LRRTM4: variants seen among roughly 807,000 people sequenced by gnomAD.
The protein encoded by LRRTM4 is leucine-rich repeat transmembrane neuronal protein 4.
LRRTM4 carries 25 observed loss-of-function variants against 47.6 expected under a neutral mutation model. The ratio of observed to expected loss-of-function variants is 0.53; its 90% CI spans 0.38 to 0.73. The LOEUF (loss-of-function observed/expected upper bound fraction) is 0.73. LRRTM4 is among the 30% of genes least tolerant of loss of function. The pLI, the probability that LRRTM4 is intolerant of heterozygous loss-of-function variation, is 0.00. For missense variants in LRRTM4, 638 were observed against 713.4 expected (o/e 0.89, Z 1.20); for synonymous variants, 311 against 269.5 (o/e 1.15, Z -1.51).
At chr2:76,793,476 TTAAGA>T (rs975527134) in intron 3 of LRRTM4, among the ~76,000 whole-genome samples, 5 of 152,158 alleles carry the variant, frequency 3.3e-5, no homozygotes, top group Non-Finnish European at 5.9e-5. Context: ...TCTATCTACT[TTAAGA>T]TAAGTAGGAT....
At chr2:77,107,313 A>G (rs1253854564) in intron 3 of LRRTM4, among the ~76,000 whole-genome samples, 1 of 152,188 alleles carries the variant, frequency 6.6e-6, no homozygotes, top group Non-Finnish European at 1.5e-5. Flanking sequence ...TATTGCAAAA[A>G]ATATGCTTGA....
intron 3 of LRRTM4, among the ~76,000 whole-genome samples, chr2:77,233,323 A>C (rs1237031100): frequency 2.6e-5 from 4 of 152,172 alleles, no homozygotes; most frequent in East Asian, 1.9e-4. Flanking sequence ...TGCTTCTTGA[A>C]ACTGTGAAGA....
At chr2:76,832,196 T>C (rs1342847088) in intron 3 of LRRTM4, among the ~76,000 whole-genome samples, 1 of 152,096 alleles carries the variant, frequency 6.6e-6, no homozygotes, top group Non-Finnish European at 1.5e-5. Context: ...GTTTAGCATG[T>C]CTGAGTTTCC....
At chr2:76,897,561 G>A (rs548296490) in intron 3 of LRRTM4, among the ~76,000 whole-genome samples, 2 of 152,264 alleles carry the variant, frequency 1.3e-5, no homozygotes, top group South Asian at 4.1e-4. Flanking sequence ...AAGGAAAAGA[G>A]AAAAGGAGTA....
chr2:77,446,429 A>G (rs903410472), intron 3 of LRRTM4, among the ~76,000 whole-genome samples: 2 of 152,002 alleles, frequency 1.3e-5, no homozygotes, highest in Admixed American at 6.6e-5. Context: ...ATTTACATTG[A>G]TCTTCAAAGA....
At chr2:77,288,760 C>G (rs970630602) in intron 3 of LRRTM4, among the ~76,000 whole-genome samples, 2 of 151,994 alleles carry the variant, frequency 1.3e-5, no homozygotes, top group Non-Finnish European at 2.9e-5. Context: ...ATGATATGTT[C>G]AAACTCATCC....
chr2:77,251,483 C>G (rs946274773), intron 3 of LRRTM4, among the ~76,000 whole-genome samples: 5 of 151,830 alleles, frequency 3.3e-5, no homozygotes, highest in Non-Finnish European at 7.4e-5. Flanking sequence ...GAATTCACCC[C>G]AGGGAGAATA....
intron 3 of LRRTM4, among the ~76,000 whole-genome samples, chr2:76,907,101 C>T (rs887648375): frequency 6.6e-6 from 1 of 151,724 alleles, no homozygotes; most frequent in Non-Finnish European, 1.5e-5. Flanking sequence ...AAGTAAAGCT[C>T]TCCTCAGCAA....
chr2:77,154,534 A>G (rs1672508750), intron 3 of LRRTM4, among the ~76,000 whole-genome samples: 1 of 152,170 alleles, frequency 6.6e-6, no homozygotes, highest in South Asian at 2.1e-4. Flanking sequence ...AAGTATACAT[A>G]TTAGTAAAGT....
chr2:76,878,015 T>C (rs1415099976), intron 3 of LRRTM4, among the ~76,000 whole-genome samples: 2 of 152,192 alleles, frequency 1.3e-5, no homozygotes, highest in Non-Finnish European at 2.9e-5. Context: ...GTGGTAACTC[T>C]GCATTTAGAA....
At chr2:77,358,982 G>T (rs1672075539) in intron 3 of LRRTM4, among the ~76,000 whole-genome samples, 1 of 151,996 alleles carries the variant, frequency 6.6e-6, no homozygotes, top group Non-Finnish European at 1.5e-5. Flanking sequence ...ATTGAATGAT[G>T]AAAGAATTTT....
chr2:76,910,749 A>G (rs1674024945), intron 3 of LRRTM4, among the ~76,000 whole-genome samples: 1 of 152,192 alleles, frequency 6.6e-6, no homozygotes, highest in Admixed American at 6.5e-5. Flanking sequence ...AAAAACAACC[A>G]TGGTGTGAAA....
At chr2:76,903,038 T>C (rs1183208318) in intron 3 of LRRTM4, among the ~76,000 whole-genome samples, 1 of 152,150 alleles carries the variant, frequency 6.6e-6, no homozygotes, top group African/African-American at 2.4e-5. Flanking sequence ...TTAATATATG[T>C]TGAACTGTTT....
chr2:76,818,942 C>T (rs537773671), intron 3 of LRRTM4, among the ~76,000 whole-genome samples: 1 of 151,734 alleles, frequency 6.6e-6, no homozygotes, highest in East Asian at 1.9e-4. Flanking sequence ...AATAGTTTTA[C>T]TAGTAAAGTT....
intron 3 of LRRTM4, among the ~76,000 whole-genome samples, chr2:77,051,347 G>C (rs78033485): frequency 6.6e-6 from 1 of 152,108 alleles, no homozygotes; most frequent in Non-Finnish European, 1.5e-5. Flanking sequence ...ATAAAAGCAG[G>C]ATCTGTTTAG....
intron 3 of LRRTM4, among the ~76,000 whole-genome samples, chr2:77,053,888 T>G (rs1679518583): frequency 6.6e-6 from 1 of 152,188 alleles, no homozygotes. Flanking sequence ...ATGAACTGAC[T>G]AGAGAATCTT....
chr2:77,083,072 C>T (rs969914055), intron 3 of LRRTM4, among the ~76,000 whole-genome samples: 2 of 152,034 alleles, frequency 1.3e-5, no homozygotes, highest in African/African-American at 2.4e-5. Flanking sequence ...AAACTGTATT[C>T]TTATGTTTCT....
intron 3 of LRRTM4, among the ~76,000 whole-genome samples, chr2:77,428,545 A>G (rs947991150): frequency 4.6e-5 from 7 of 152,208 alleles, no homozygotes; most frequent in African/African-American, 7.2e-5. Context: ...CTTAGCCCAC[A>G]GTAGAATATT....
At chr2:76,965,232 G>T (rs1009316272) in intron 3 of LRRTM4, among the ~76,000 whole-genome samples, 9 of 150,990 alleles carry the variant, frequency 6.0e-5, no homozygotes, top group Non-Finnish European at 1.5e-5. Context: ...AACAAATTAA[G>T]ATATTATAGA....
Sources: allele counts gnomAD v4.1 joint callset (sites outside exome capture counted in the v4.1 genomes callset), GRCh38; gene constraint gnomAD v4.1.1; transcripts MANE v1.5; gene names NCBI Gene and HGNC (gene_info 2026-07-23, HGNC 2026-07-21).